Variants in FBXW8 observed in about 807,000 individuals in gnomAD.
FBXW8 encodes the protein F-box and WD repeat domain containing 8.
Under a neutral mutation model 65.3 loss-of-function variants are expected in FBXW8, and 57 were observed. The ratio of observed to expected loss-of-function variants is 0.87; its 90% CI spans 0.71 to 1.09. The LOEUF (loss-of-function observed/expected upper bound fraction) is 1.09. FBXW8 is among the 50% of genes least tolerant of loss of function. The pLI is 0.00. For missense variants in FBXW8, 777 were observed against 814.8 expected (o/e 0.95, Z 0.57); for synonymous variants, 308 against 330.2 (o/e 0.93, Z 0.73).
chr12:116,930,246 G>C (rs1337384106), intron 2 of FBXW8, among the ~76,000 whole-genome samples: 1 of 152,160 alleles, frequency 6.6e-6, no homozygotes, highest in East Asian at 1.9e-4. Context: ...TAAGGAACCT[G>C]TTTCCTTAAT....
intron 1 of FBXW8, among the ~76,000 whole-genome samples, chr12:116,921,014 C>T (rs918258531): frequency 6.6e-6 from 1 of 152,194 alleles, no homozygotes; most frequent in Non-Finnish European, 1.5e-5. Flanking sequence ...AGGCCCAGCC[C>T]ATTTTGCTTC....
At chr12:116,999,117 G>A (rs527824903) in intron 7 of FBXW8, among the ~76,000 whole-genome samples, 60 of 152,310 alleles carry the variant, frequency 3.9e-4, no homozygotes, top group African/African-American at 1.4e-3. Flanking sequence ...TTCCCTCGAT[G>A]TGTTATTAAT....
At chr12:116,998,050 T>C (rs1953422246) in intron 7 of FBXW8, among the ~76,000 whole-genome samples, 1 of 152,142 alleles carries the variant, frequency 6.6e-6, no homozygotes, top group Non-Finnish European at 1.5e-5. Context: ...AACTCCTGAC[T>C]TCAGGTGATC....
intron 3 of FBXW8, 97 bp downstream of exon 3, chr12:116,945,625 C>T (rs1882882224): frequency 1.5e-5 from 19 of 1,264,048 alleles, no homozygotes; most frequent in South Asian, 2.9e-5. Context: ...TTGCCAACAG[C>T]GAAGGGAGAG....
intron 1 of FBXW8, among the ~76,000 whole-genome samples, chr12:116,922,168 T>C (rs1487681328): frequency 3.3e-5 from 5 of 152,152 alleles, no homozygotes; most frequent in Admixed American, 2.0e-4. Flanking sequence ...TAAGAATATA[T>C]ATTTCGAGAC....
At chr12:116,978,130 T>A (rs1380161631) in intron 5 of FBXW8, 1 of 152,270 alleles carries the variant, frequency 6.6e-6, no homozygotes, top group Non-Finnish European at 1.5e-5. Context: ...GCTGTAGCGC[T>A]GTGGTCAGCG....
intron 7 of FBXW8, among the ~76,000 whole-genome samples, chr12:117,009,639 C>T (rs879451217): frequency 5.3e-5 from 8 of 152,132 alleles, no homozygotes; most frequent in Non-Finnish European, 1.2e-4. Flanking sequence ...AAGCAAAAAA[C>T]GTAAATTTCC....
At chr12:117,019,864 C>A (rs187326959) in intron 8 of FBXW8, among the ~76,000 whole-genome samples, 4 of 152,192 alleles carry the variant, frequency 2.6e-5, no homozygotes, top group Non-Finnish European at 5.9e-5. Flanking sequence ...GTTTCAAGTA[C>A]GTGCTTCCAG....
At chr12:116,916,786 TGCAGGGTG>T (rs1024361555) in intron 1 of FBXW8, among the ~76,000 whole-genome samples, 4 of 152,184 alleles carry the variant, frequency 2.6e-5, no homozygotes, top group Non-Finnish European at 4.4e-5. Flanking sequence ...CTCACCATTT[TGCAGGGTG>T]GCAGCTTGGG....
chr12:116,985,034 A>C, intron 5 of FBXW8, 172 bp from the exon 6 acceptor site: 1 of 525,642 alleles, frequency 1.9e-6, no homozygotes, highest in South Asian at 3.4e-5. Flanking sequence ...AATTACCTTC[A>C]GGCCATGTGC....
chr12:116,971,845 G>A (rs74483153), intron 5 of FBXW8, among the ~76,000 whole-genome samples: 3,305 of 152,222 alleles, frequency 0.022, 119 homozygotes, highest in African/African-American at 0.075. Context: ...CTGCATGCCC[G>A]TATTGACCTT....
chr12:117,013,076 T>C (rs1446873502), intron 8 of FBXW8, among the ~76,000 whole-genome samples: 1 of 152,100 alleles, frequency 6.6e-6, no homozygotes, highest in Non-Finnish European at 1.5e-5. Context: ...AAACCCCGTC[T>C]CTACTAAAAT....
intron 4 of FBXW8, among the ~76,000 whole-genome samples, chr12:116,952,156 T>C (rs1433153335): frequency 2.0e-5 from 3 of 152,236 alleles, no homozygotes; most frequent in East Asian, 3.8e-4. Flanking sequence ...TACAGTCATA[T>C]GCTGCATAAC....
intron 8 of FBXW8, among the ~76,000 whole-genome samples, chr12:117,020,148 C>T (rs1358724501): frequency 6.6e-6 from 1 of 152,198 alleles, no homozygotes. Context: ...ATGGATGTAC[C>T]ATAATTGCTT....
chr12:116,982,990 C>G (rs146475392), intron 5 of FBXW8, among the ~76,000 whole-genome samples: 538 of 152,250 alleles, frequency 3.5e-3, no homozygotes, highest in Non-Finnish European at 6.3e-3. Context: ...TGGCTTTGGA[C>G]CAAGTTGTTT....
At chr12:117,016,167 T>C (rs1953942637) in intron 8 of FBXW8, among the ~76,000 whole-genome samples, 1 of 152,244 alleles carries the variant, frequency 6.6e-6, no homozygotes, top group African/African-American at 2.4e-5. Flanking sequence ...TTCAGTTCAG[T>C]TGGGGAAATA....
chr12:117,023,142 T>G (rs1954140657), intron 8 of FBXW8, among the ~76,000 whole-genome samples: 1 of 152,202 alleles, frequency 6.6e-6, no homozygotes, highest in African/African-American at 2.4e-5. Context: ...TAATTTTCCC[T>G]CAGAACTTGG....
chr12:116,925,429 A>G (rs1881247808), intron 1 of FBXW8, among the ~76,000 whole-genome samples: 1 of 152,202 alleles, frequency 6.6e-6, no homozygotes, highest in South Asian at 2.1e-4. Flanking sequence ...TGTTGCCAGA[A>G]TTACTCTAAG....
intron 4 of FBXW8, among the ~76,000 whole-genome samples, chr12:116,958,017 A>C (rs1883754552): frequency 1.3e-5 from 2 of 152,256 alleles, no homozygotes; most frequent in African/African-American, 2.4e-5. Flanking sequence ...CCACAGCTAC[A>C]ATAACTCTGC....
Sources: allele counts gnomAD v4.1 joint callset (sites outside exome capture counted in the v4.1 genomes callset), GRCh38; gene constraint gnomAD v4.1.1; transcripts MANE v1.5; gene names NCBI Gene and HGNC (gene_info 2026-07-23, HGNC 2026-07-21).